Variants in TNPO3 observed in about 807,000 individuals in gnomAD.
TNPO3 encodes transportin-3.
Under a neutral mutation model 122.8 loss-of-function variants are expected in TNPO3, and 65 were observed. The observed-to-expected ratio is 0.53, with a 90% CI of 0.43 to 0.65. The LOEUF is 0.65. TNPO3 is among the 30% of genes least tolerant of loss of function. TNPO3 has a pLI of 0.00. For missense variants in TNPO3, 850 were observed against 1,136.7 expected (o/e 0.75, Z 3.63); for synonymous variants, 372 against 411.2 (o/e 0.90, Z 1.15).
intron 21 of TNPO3, among the ~76,000 whole-genome samples, chr7:128,962,946 T>C (rs1797609544): frequency 1.3e-5 from 2 of 152,172 alleles, no homozygotes; most frequent in South Asian, 2.1e-4. Context: ...CATATATTAG[T>C]CCCACTGAGG....
At chr7:129,003,184 C>CT (rs1802179225) in intron 5 of TNPO3, among the ~76,000 whole-genome samples, 2 of 150,808 alleles carry the variant, frequency 1.3e-5, no homozygotes, top group Admixed American at 1.3e-4. Flanking sequence ...GATTGTGCCA[C>CT]TGCACTCCAG....
chr7:129,048,774 A>T (rs1289428806), intron 1 of TNPO3, among the ~76,000 whole-genome samples: 2 of 152,250 alleles, frequency 1.3e-5, no homozygotes, highest in Non-Finnish European at 2.9e-5. Context: ...GCAGATAAAG[A>T]AAAATGTGAG....
intron 1 of TNPO3, among the ~76,000 whole-genome samples, chr7:129,050,413 GA>G (rs1808612530): frequency 6.7e-6 from 1 of 148,334 alleles, no homozygotes; most frequent in African/African-American, 2.5e-5. Flanking sequence ...GGTGGGGGGG[GA>G]ATCGGCTAGT....
intron 1 of TNPO3, among the ~76,000 whole-genome samples, chr7:129,021,350 G>A (rs549664870): frequency 3.6e-5 from 5 of 140,012 alleles, no homozygotes; most frequent in South Asian, 2.2e-4. Context: ...GTGAGACTCC[G>A]TCTCAAAAAA....
chr7:128,990,266 A>C, intron 10 of TNPO3, 166 bp from the exon 11 acceptor site: 1 of 750,300 alleles, frequency 1.3e-6, no homozygotes, highest in East Asian at 2.6e-5. Context: ...ATCTTCAAAA[A>C]AGAGGAAAAG....
intron 1 of TNPO3, chr7:129,041,526 ATTCT>A (rs1239535621): frequency 1.0e-6 from 1 of 983,726 alleles, no homozygotes; most frequent in Non-Finnish European, 1.2e-6. Context: ...AGGAAAAGGG[ATTCT>A]TTATAAGGAG....
At chr7:128,990,828 G>C (rs1264296462) in intron 10 of TNPO3, among the ~76,000 whole-genome samples, 1 of 152,146 alleles carries the variant, frequency 6.6e-6, no homozygotes, top group East Asian at 1.9e-4. Flanking sequence ...TAAAGTGGCA[G>C]AACTTAATCC....
chr7:128,960,801 C>G (rs965017099), intron 21 of TNPO3, among the ~76,000 whole-genome samples: 3 of 151,650 alleles, frequency 2.0e-5, no homozygotes, highest in Non-Finnish European at 4.4e-5. Context: ...ACTCTGTCGC[C>G]CAGGCTGGAG....
At chr7:129,035,603 G>A (rs6974262) in intron 1 of TNPO3, among the ~76,000 whole-genome samples, 72,787 of 151,730 alleles carry the variant, frequency 0.48, 17,682 homozygotes, top group Non-Finnish European at 0.49. Context: ...ATGACAGAGC[G>A]AGACCACGTC....
At position 129,001,186 on chromosome 7, in the gene TNPO3, C is replaced by T; in HGVS notation, c.745G>A (p.Val249Ile). The T allele has an allele frequency of 2.5e-6, 4 of 1,614,032 alleles. 1 individual carries two copies. The East Asian group carries it at 8.9e-5, about 36-fold the overall frequency. ...SNLHEAASDC[V>I]CSALYAIENV... ...TCAATGGCATAGAGAGCTGAGCATA[C>T]ACAGTCCGAAGCAGCTTCATGTAGG... Residue 249 changes from valine to isoleucine, a missense_variant, in exon 6 of 23, where the codon GTA becomes ATA. Coordinates refer to ENST00000265388, the MANE Select transcript of TNPO3 (RefSeq NM_012470.4).
At chr7:129,049,615 G>A (rs778926928) in intron 1 of TNPO3, among the ~76,000 whole-genome samples, 1 of 152,186 alleles carries the variant, frequency 6.6e-6, no homozygotes, top group Non-Finnish European at 1.5e-5. Flanking sequence ...ACAGCTGTCT[G>A]CTTTCAGGTC....
At chr7:129,037,238 T>C (rs77607989) in intron 1 of TNPO3, among the ~76,000 whole-genome samples, 14,465 of 152,214 alleles carry the variant, frequency 0.095, 759 homozygotes, top group Non-Finnish European at 0.12. Flanking sequence ...CAATACTGCT[T>C]TCCGTAAGTT....
Position 128,993,866 on chromosome 7 carries a change from C to A in TNPO3, c.1207G>T (p.Val403Leu). Residue 403 changes from valine (V) to leucine (L), a missense_variant, in exon 9 of 23, where the codon GTA becomes TTA. Physicochemically the swap from Val to Leu is conservative, Grantham distance 32. Transcript: ENST00000265388. ...ATCAAGTCCTTTACCAGGTCTGATA[C>A]CCTCATGCGAAACTCCCCAAAGTCA... ...TDDFGEFRMR[V>L]SDLVKDLIFL... 3 of 1,614,110 alleles carry A rather than the reference C, an allele frequency of 1.9e-6. No homozygotes were observed. Among genetic ancestry groups the A allele is most frequent in the Admixed American group, 1.7e-5 (1 of 60,012 alleles).
chr7:128,999,340 T>A (rs542816210), intron 7 of TNPO3, among the ~76,000 whole-genome samples: 2 of 152,364 alleles, frequency 1.3e-5, no homozygotes, highest in Admixed American at 1.3e-4. Context: ...ACTCGTAGCC[T>A]CTTTTCCATA....
intron 21 of TNPO3, among the ~76,000 whole-genome samples, chr7:128,957,849 T>C (rs1444491522): frequency 6.6e-6 from 1 of 152,194 alleles, no homozygotes; most frequent in Non-Finnish European, 1.5e-5. Context: ...GATTTTCTAG[T>C]TGAACAGGCT....
chr7:128,992,974 A>G lies in TNPO3; in HGVS notation c.1266+833T>C, dbSNP rs146851822. ...AAATCTGAGCAGAGGTCATCTGTCT[A>G]AGATCCAGGGATCTCATTTAAGTGG... On this transcript the variant is annotated intron_variant, in intron 9 of 22. Coordinates refer to ENST00000265388, the MANE Select transcript of TNPO3 (RefSeq NM_012470.4). Among the ~76,000 whole-genome samples, 1,047 of 145,268 alleles carry G rather than the reference A, an allele frequency of 7.2e-3. 13 individuals are homozygous for G. The highest frequency in any genetic ancestry group is 0.025 in the African/African-American group (1,009 of 41,056).
At chr7:128,990,543 A>T (rs898105168) in intron 10 of TNPO3, among the ~76,000 whole-genome samples, 7 of 152,186 alleles carry the variant, frequency 4.6e-5, no homozygotes, top group Non-Finnish European at 1.0e-4. Flanking sequence ...ATTCTCATAG[A>T]CCATTCTCTG....
intron 20 of TNPO3, 94 bp from the exon 21 acceptor site, chr7:128,967,486 T>A: frequency 1.3e-6 from 1 of 769,080 alleles, no homozygotes; most frequent in South Asian, 1.6e-5. Flanking sequence ...AAATTTTCCT[T>A]AGTAGCATTT....
Position 129,041,525 on chromosome 7 carries a change from G to T in TNPO3, c.120+13126C>A, listed in dbSNP as rs188952981. The T allele has an allele frequency of 1.1e-4, 105 of 983,514 alleles. No individual in the cohort carries two copies. The African/African-American group carries it at 1.7e-3, about 16-fold the overall frequency. The allele number at this position is 983,514 out of a possible 1,614,324, so 60.9% of individuals were successfully genotyped here. On this transcript the variant is annotated intron_variant, in intron 1 of 22. Coordinates refer to ENST00000265388, the MANE Select transcript of TNPO3 (RefSeq NM_012470.4). The stretch of plus-strand genomic sequence containing the variant: ...GGAAGAGAATCAAGGAAGGAAAAGG[G>T]ATTCTTTATAAGGAGAGAATAAAGC...
Sources: gnomAD v4.1 joint callset for allele counts (sites outside exome capture counted in the v4.1 genomes callset) on GRCh38, gnomAD v4.1.1 for gene constraint, MANE v1.5 for transcripts, NCBI Gene and HGNC (gene_info 2026-07-23, HGNC 2026-07-21) for gene names.